SGMS2: variants seen among roughly 807,000 people sequenced by gnomAD.
The protein encoded by SGMS2 is phosphatidylcholine:ceramide cholinephosphotransferase 2.
In SGMS2, 21 loss-of-function variants were observed where a neutral mutation model predicts 43.8. The observed-to-expected ratio is 0.48, with a 90% CI of 0.34 to 0.69. SGMS2 has a LOEUF of 0.69. Among genes scored for constraint, SGMS2 ranks in the 30% least tolerant of loss-of-function variants. SGMS2 has a pLI of 0.01. For missense variants in SGMS2, 384 were observed against 443.2 expected (o/e 0.87, Z 1.20); for synonymous variants, 167 against 160.6 (o/e 1.04, Z -0.30).
chr4:107,905,279 C>T (rs1731460928), intron 5 of SGMS2, among the ~76,000 whole-genome samples: 1 of 152,068 alleles, frequency 6.6e-6, no homozygotes, highest in African/African-American at 2.4e-5. Context: ...AGGGGTTTCC[C>T]CTTATAAAAC....
chr4:107,892,876 A>AT (rs746587323), intron 2 of SGMS2, among the ~76,000 whole-genome samples: 1 of 152,144 alleles, frequency 6.6e-6, no homozygotes, highest in East Asian at 1.9e-4. Flanking sequence ...TAGCTGAGTG[A>AT]TTTTGGGACC....
rs1344683243 is a variant in SGMS2 at position 107,914,031 on chromosome 4, CATATT to C, written c.*3482_*3486del. 2 of 152,044 alleles carry C rather than the reference CATATT, an allele frequency of 1.3e-5. No homozygotes were observed. The highest frequency in any genetic ancestry group is 2.9e-5 in the Non-Finnish European group (2 of 67,980). The allele number at this position is 152,044 out of a possible 1,614,324, so 9.4% of individuals were successfully genotyped here. ...AATGAGTTTACACGTTTAAATCAAG[CATATT>C]ATAAGTTATATGCCATGTGTTGAAG... On this transcript the variant is annotated 3_prime_UTR_variant, in exon 7 of 7. Transcript: ENST00000690982.
At chr4:107,826,155 A>C (rs1467709868) in intron 1 of SGMS2, among the ~76,000 whole-genome samples, 1 of 152,196 alleles carries the variant, frequency 6.6e-6, no homozygotes, top group Admixed American at 6.5e-5. Context: ...AAGGATTAAT[A>C]ATGAGGATAA....
chr4:107,827,932 G>A (rs549604813), intron 1 of SGMS2, among the ~76,000 whole-genome samples: 27 of 152,272 alleles, frequency 1.8e-4, no homozygotes, highest in African/African-American at 6.0e-4. Flanking sequence ...GTTGCAGTGA[G>A]CTGAGATTGC....
intron 1 of SGMS2, among the ~76,000 whole-genome samples, chr4:107,847,516 G>A (rs1358926144): frequency 3.3e-5 from 5 of 151,810 alleles, no homozygotes; most frequent in African/African-American, 7.3e-5. Context: ...GGTTACTGTA[G>A]CCTTGTAGTA....
intron 1 of SGMS2, among the ~76,000 whole-genome samples, chr4:107,828,966 G>A (rs1725743920): frequency 6.6e-6 from 1 of 152,160 alleles, no homozygotes; most frequent in South Asian, 2.1e-4. Context: ...GAAGCTAAAT[G>A]TCTTTTTTGG....
intron 2 of SGMS2, among the ~76,000 whole-genome samples, chr4:107,860,101 A>T (rs1727641080): frequency 6.6e-6 from 1 of 152,104 alleles, no homozygotes; most frequent in Admixed American, 6.5e-5. Flanking sequence ...TGTCTAAAGC[A>T]TCCTTCTAGA....
At chr4:107,829,134 A>G (rs1272240173) in intron 1 of SGMS2, among the ~76,000 whole-genome samples, 4 of 152,222 alleles carry the variant, frequency 2.6e-5, no homozygotes, top group Non-Finnish European at 5.9e-5. Context: ...CCTTTAGAAT[A>G]AGTTCCATCC....
At chr4:107,860,932 T>G (rs1422209789) in intron 2 of SGMS2, among the ~76,000 whole-genome samples, 2 of 152,192 alleles carry the variant, frequency 1.3e-5, no homozygotes, top group Non-Finnish European at 1.5e-5. Flanking sequence ...CTGGGTTGCG[T>G]GCCTTGGCAA....
intron 4 of SGMS2, among the ~76,000 whole-genome samples, chr4:107,902,094 T>C (rs367931615): frequency 1.3e-5 from 2 of 151,706 alleles, no homozygotes; most frequent in African/African-American, 4.8e-5. Flanking sequence ...TCCTTTTTTT[T>C]TTTTAGTAGA....
At chr4:107,865,741 C>T (rs952039657) in intron 2 of SGMS2, among the ~76,000 whole-genome samples, 1 of 152,046 alleles carries the variant, frequency 6.6e-6, no homozygotes, top group African/African-American at 2.4e-5. Flanking sequence ...TCTAATAAAC[C>T]TGAATCAGGA....
chr4:107,892,231 C>A (rs1055284002), intron 2 of SGMS2, among the ~76,000 whole-genome samples: 4 of 55,428 alleles, frequency 7.2e-5, no homozygotes, highest in Admixed American at 2.2e-4. Context: ...GCAACTAAAA[C>A]TCCAAAAAAA....
chr4:107,860,270 T>C (rs1054338418), intron 2 of SGMS2, among the ~76,000 whole-genome samples: 3 of 152,302 alleles, frequency 2.0e-5, no homozygotes, highest in African/African-American at 7.2e-5. Flanking sequence ...TTCCTCATTC[T>C]TTTTTTAAAG....
At chr4:107,871,636 A>G (rs1728563956) in intron 2 of SGMS2, among the ~76,000 whole-genome samples, 1 of 152,096 alleles carries the variant, frequency 6.6e-6, no homozygotes, top group African/African-American at 2.4e-5. Context: ...GCTATCAGCA[A>G]TAGTATTAAC....
chr4:107,885,861 G>A (rs940406762), intron 2 of SGMS2, among the ~76,000 whole-genome samples: 23 of 152,142 alleles, frequency 1.5e-4, no homozygotes, highest in African/African-American at 5.3e-4. Context: ...GGTTACTGAT[G>A]TAGCCACTAC....
chr4:107,856,715 T>A (rs199909320), intron 1 of SGMS2, among the ~76,000 whole-genome samples: 3 of 152,184 alleles, frequency 2.0e-5, no homozygotes, highest in Non-Finnish European at 4.4e-5. Flanking sequence ...GTGTACAGTA[T>A]CTGAAGTGTA....
At chr4:107,825,598 G>A (rs911606583) in intron 1 of SGMS2, among the ~76,000 whole-genome samples, 1 of 149,730 alleles carries the variant, frequency 6.7e-6, no homozygotes, top group African/African-American at 2.5e-5. Context: ...GTGTTTGTGT[G>A]TGTGGTTTTT....
chr4:107,874,869 G>A (rs1177257914), intron 2 of SGMS2, among the ~76,000 whole-genome samples: 1 of 152,074 alleles, frequency 6.6e-6, no homozygotes, highest in Non-Finnish European at 1.5e-5. Flanking sequence ...GAAGGGTTGG[G>A]TTGAGATATC....
rs1159732067 is a variant in SGMS2 at position 107,866,583 on chromosome 4, C to CA, written c.-245+8040dup. On this transcript the variant is annotated intron_variant, in intron 2 of 6. Coordinates refer to ENST00000690982, the MANE Select transcript of SGMS2 (RefSeq NM_001375905.1). ...CTCTGTCTCAAAAAAAAACCAAAAACAAAAAAAAAACAAACCAAAAAAGTG... is the reference window on the plus strand; with the variant it reads ...CTCTGTCTCAAAAAAAAACCAAAAACAAAAAAAAAAACAAACCAAAAAAGTG... 5.6e-3 allele frequency among the ~76,000 whole-genome samples: 794 copies of CA among 142,292 alleles called. 6 individuals carry two copies. Among genetic ancestry groups the CA allele is most frequent in the African/African-American group, 0.018 (694 of 38,792 alleles). The allele number at this position is 142,292 out of a possible 152,430, so 93.3% of individuals were successfully genotyped here.
Sources: allele counts gnomAD v4.1 joint callset (sites outside exome capture counted in the v4.1 genomes callset), GRCh38; gene constraint gnomAD v4.1.1; transcripts MANE v1.5; gene names NCBI Gene and HGNC (gene_info 2026-07-23, HGNC 2026-07-21).